RBFOX1: variants seen among roughly 807,000 people sequenced by gnomAD.
The protein encoded by RBFOX1 is RNA binding fox-1 homolog 1.
Under a neutral mutation model 57.7 loss-of-function variants are expected in RBFOX1, and 8 were observed. That is an observed-to-expected ratio of 0.14 (90% CI 0.08 to 0.25). The LOEUF is 0.25. RBFOX1 is among the 10% of genes least tolerant of loss of function. RBFOX1 has a pLI of 1.00. For synonymous variants in RBFOX1, 326 were observed against 222.4 expected (o/e 1.47, Z -4.15); for missense variants, 611 against 548.5 (o/e 1.11, Z -1.14).
chr16:5,789,500 G>A (rs1416158162), intron 3 of RBFOX1, among the ~76,000 whole-genome samples: 1 of 152,130 alleles, frequency 6.6e-6, no homozygotes, highest in Non-Finnish European at 1.5e-5. Context: ...CAAGTTTTAA[G>A]ATGTTACTAT....
At chr16:7,149,896 C>T (rs2075786784) in intron 4 of RBFOX1, among the ~76,000 whole-genome samples, 1 of 152,220 alleles carries the variant, frequency 6.6e-6, no homozygotes, top group African/African-American at 2.4e-5. Context: ...TACTCACTGT[C>T]TCATCTAAAC....
intron 4 of RBFOX1, among the ~76,000 whole-genome samples, chr16:7,076,271 A>G (rs914360855): frequency 6.6e-5 from 10 of 151,728 alleles, no homozygotes; most frequent in African/African-American, 2.4e-4. Flanking sequence ...TGACCTCATG[A>G]TCTACCTGCC....
At chr16:6,444,329 T>G (rs2185722) in intron 2 of RBFOX1, among the ~76,000 whole-genome samples, 56,195 of 151,760 alleles carry the variant, frequency 0.37, 12,667 homozygotes, top group African/African-American at 0.64. Context: ...AGCAGAAGGT[T>G]TGACATGGTT....
rs187095000 is a variant in RBFOX1 at position 5,281,689 on chromosome 16, G to T, written c.219+41584G>T. Among the ~76,000 whole-genome samples the T allele has an allele frequency of 7.6e-4, 116 of 152,098 alleles. 1 individual carries two copies. In the East Asian group the frequency reaches 0.02, roughly 27 times the overall value. On this transcript the variant is annotated intron_variant, in intron 1 of 2. Coordinates refer to the RBFOX1 transcript ENST00000585867. The stretch of plus-strand genomic sequence containing the variant: ...TTATTACCACATAATGACCTTCTTT[G>T]TCCTTTTTACAGTTTTTGACTTAGT...
intron 2 of RBFOX1, among the ~76,000 whole-genome samples, chr16:5,509,520 G>A (rs552345768): frequency 8.5e-5 from 13 of 152,368 alleles, no homozygotes; most frequent in African/African-American, 3.1e-4. Flanking sequence ...AAAGGGGAGT[G>A]TGGAATGAGA....
intron 2 of RBFOX1, among the ~76,000 whole-genome samples, chr16:6,576,377 C>T (rs2097436468): frequency 6.6e-6 from 1 of 152,156 alleles, no homozygotes; most frequent in Admixed American, 6.5e-5. Context: ...AAAACCTACG[C>T]AGACATGGGG....
At chr16:6,337,559 C>G (rs1567965495) in intron 2 of RBFOX1, among the ~76,000 whole-genome samples, 3 of 152,140 alleles carry the variant, frequency 2.0e-5, no homozygotes, top group Admixed American at 2.0e-4. Context: ...AATTGTACAC[C>G]TGGATGCCAC....
intron 2 of RBFOX1, among the ~76,000 whole-genome samples, chr16:6,553,649 C>T (rs573997348): frequency 6.6e-5 from 10 of 151,972 alleles, no homozygotes; most frequent in African/African-American, 2.4e-4. Context: ...TCTCTCAGGA[C>T]AGGATGATAG....
At chr16:6,748,206 G>A (rs2074176390) in intron 3 of RBFOX1, among the ~76,000 whole-genome samples, 2 of 151,924 alleles carry the variant, frequency 1.3e-5, no homozygotes, top group Non-Finnish European at 2.9e-5. Flanking sequence ...ATCCTTATGG[G>A]TTCAGTACCA....
chr16:5,701,328 C>G (rs925597214), intron 3 of RBFOX1, among the ~76,000 whole-genome samples: 1 of 152,166 alleles, frequency 6.6e-6, no homozygotes, highest in African/African-American at 2.4e-5. Context: ...AAAAGGAAAT[C>G]ATTTGAAAGT....
chr16:6,791,448 A>G (rs1327485004), intron 3 of RBFOX1, among the ~76,000 whole-genome samples: 2 of 152,166 alleles, frequency 1.3e-5, no homozygotes, highest in Non-Finnish European at 2.9e-5. Flanking sequence ...AATTGTAAAG[A>G]ACTTCAAGAT....
intron 3 of RBFOX1, among the ~76,000 whole-genome samples, chr16:6,705,984 C>G (rs1186161312): frequency 6.6e-6 from 1 of 152,142 alleles, no homozygotes; most frequent in African/African-American, 2.4e-5. Context: ...TGCCACTGAA[C>G]TCCAGCCTGG....
At chr16:6,079,873 A>G (rs1202906897) in intron 1 of RBFOX1, among the ~76,000 whole-genome samples, 1 of 152,182 alleles carries the variant, frequency 6.6e-6, no homozygotes, top group African/African-American at 2.4e-5. Flanking sequence ...GTAATTTTTA[A>G]ATAATTCCTT....
rs527524338 is a variant in RBFOX1, at chr16:5,981,790, G to A, written c.351+114455G>A. Among the ~76,000 whole-genome samples, 152 of 152,156 alleles carry A rather than the reference G, an allele frequency of 1.0e-3. 1 individual carries two copies. The highest frequency in any genetic ancestry group is 2.9e-3 in the Admixed American group (45 of 15,280). ...GGCCGTGTGATGTTTTAAAACGGTG[G>A]TCCTCAACTAGATGCCCCTGAACGG... On this transcript the variant is annotated intron_variant, in intron 4 of 19. Transcript: ENST00000641259.
Position 5,459,741 on chromosome 16 carries a change from G to T in RBFOX1, c.220-7475G>T, listed in dbSNP as rs142033964. ...CATACACACATGCACGCACACACAC[G>T]CTCACACACGCACCTGCATACATTC... is the stretch of plus-strand genomic sequence containing the variant. On this transcript the variant is annotated intron_variant, in intron 1 of 2. Transcript: ENST00000585867. Among the ~76,000 whole-genome samples, 412 of 151,908 alleles carry T rather than the reference G, an allele frequency of 2.7e-3. 2 individuals carry two copies. The highest frequency in any genetic ancestry group is 6.5e-3 in the Admixed American group (99 of 15,240).
intron 4 of RBFOX1, among the ~76,000 whole-genome samples, chr16:7,491,086 G>T (rs1346342771): frequency 6.6e-6 from 1 of 152,038 alleles, no homozygotes; most frequent in Non-Finnish European, 1.5e-5. Context: ...TACCGTACCT[G>T]CACCCACAAA....
At chr16:6,177,475 G>C (rs1407052494) in intron 1 of RBFOX1, among the ~76,000 whole-genome samples, 2 of 152,016 alleles carry the variant, frequency 1.3e-5, no homozygotes, top group African/African-American at 4.8e-5. Flanking sequence ...GAATGGAAAG[G>C]CTTAATAATT....
chr16:7,150,689 G>C (rs1024861624), intron 4 of RBFOX1, among the ~76,000 whole-genome samples: 2 of 152,244 alleles, frequency 1.3e-5, no homozygotes, highest in African/African-American at 4.8e-5. Flanking sequence ...TTTAGAAAGA[G>C]ATAAGTCAAA....
intron 2 of RBFOX1, among the ~76,000 whole-genome samples, chr16:6,366,454 T>C (rs764347711): frequency 5.9e-5 from 9 of 152,164 alleles, no homozygotes; most frequent in Non-Finnish European, 1.3e-4. Flanking sequence ...TATGAGACAA[T>C]GTTGAACAAC....
Sources: gnomAD v4.1 joint callset for allele counts (sites outside exome capture counted in the v4.1 genomes callset) on GRCh38, gnomAD v4.1.1 for gene constraint, MANE v1.5 for transcripts, NCBI Gene and HGNC (gene_info 2026-07-23, HGNC 2026-07-21) for gene names.